STAU2: variants seen among roughly 807,000 people sequenced by gnomAD.
The protein encoded by STAU2 is double-stranded RNA-binding protein Staufen homolog 2.
Under a neutral mutation model 65.9 loss-of-function variants are expected in STAU2, and 20 were observed. The ratio of observed to expected loss-of-function variants is 0.30; its 90% confidence interval spans 0.21 to 0.44. The LOEUF (loss-of-function observed/expected upper bound fraction) is 0.44. Ranked by LOEUF, STAU2 falls within the 20% of genes least tolerant of loss-of-function variation. The probability of loss-of-function intolerance (pLI) is 1.00; values close to 1 mark genes in which losing one functional copy is unlikely to be tolerated. For missense variants in STAU2, 558 were observed against 683.9 expected, an observed-to-expected ratio of 0.82 and a Z score of 2.05; for synonymous variants, 232 against 233.9, an observed-to-expected ratio of 0.99 and a Z score of 0.07.
At chr8:73,587,178 C>T (rs1470755529) in intron 11 of STAU2, among the ~76,000 whole-genome samples, 1 of 152,074 alleles carries the variant, frequency 6.6e-6, no homozygotes, top group African/African-American at 2.4e-5. Flanking sequence ...GGGTGCGATG[C>T]CTTCCCAACT....
intron 13 of STAU2, among the ~76,000 whole-genome samples, chr8:73,486,657 AT>A (rs10616687): frequency 0.055 from 7,507 of 136,382 alleles, 311 homozygotes; most frequent in African/African-American, 0.12. Context: ...ATATATATAT[AT>A]TTTTTTTTTT....
intron 13 of STAU2, among the ~76,000 whole-genome samples, chr8:73,509,837 A>T (rs1397334597): frequency 1.1e-4 from 17 of 152,182 alleles, no homozygotes; most frequent in Non-Finnish European, 2.5e-4. Context: ...AAAAAAATTA[A>T]GAATAATATG....
chr8:73,510,951 T>A (rs564287909), intron 13 of STAU2, among the ~76,000 whole-genome samples: 2 of 152,230 alleles, frequency 1.3e-5, no homozygotes, highest in Non-Finnish European at 2.9e-5. Flanking sequence ...AGTAGAATCA[T>A]CTCTGCCTTG....
intron 12 of STAU2, among the ~76,000 whole-genome samples, chr8:73,557,244 C>A (rs1317466267): frequency 6.6e-6 from 1 of 152,148 alleles, no homozygotes; most frequent in Non-Finnish European, 1.5e-5. Context: ...ACAGTAAAGC[C>A]TAAGTGGACT....
chr8:73,529,431 C>T (rs949714381), intron 13 of STAU2, among the ~76,000 whole-genome samples: 2 of 152,106 alleles, frequency 1.3e-5, no homozygotes, highest in Admixed American at 6.6e-5. Flanking sequence ...ATTACCCTTT[C>T]GACACCAACT....
chr8:73,653,920 G>T (rs1350958445), intron 6 of STAU2: 3 of 440,756 alleles, frequency 6.8e-6, no homozygotes, highest in African/African-American at 2.0e-5. Flanking sequence ...TAAATATTAA[G>T]TTTAGAATCA....
Position 73,739,739 on chromosome 8 carries a change from A to C in STAU2, c.-84+17T>G, listed in dbSNP as rs1390539392. ...ATATTGGTGAATTTGAGTTTTAGTC[A>C]AAGTTCTTCAGATTACCTTCTGAGC... On this transcript the variant is annotated intron_variant, in intron 2 of 14. Transcript: ENST00000524300. 6.7e-7 allele frequency: 1 copy of C among 1,493,260 alleles called. No homozygotes were observed. The highest frequency in any genetic ancestry group is 1.4e-5 in the African/African-American group (1 of 70,968). 92.5% of individuals were successfully genotyped at this position (1,493,260 alleles called of 1,614,324 possible). A position where few individuals can be genotyped will look rare whatever the true frequency, so the allele number is the denominator to read the frequency against.
At chr8:73,594,600 T>G (rs997450309) in intron 11 of STAU2, among the ~76,000 whole-genome samples, 18 of 152,362 alleles carry the variant, frequency 1.2e-4, no homozygotes, top group African/African-American at 4.3e-4. Flanking sequence ...TTCAGGGTTC[T>G]CTGCTTCCCT....
At chr8:73,695,791 A>G (rs1819657636) in intron 4 of STAU2, among the ~76,000 whole-genome samples, 1 of 152,132 alleles carries the variant, frequency 6.6e-6, no homozygotes, top group Admixed American at 6.6e-5. Flanking sequence ...TGCCTGTGGA[A>G]AGGGGAGGGA....
At chr8:73,425,025 G>A (rs1816691770) in intron 13 of STAU2, among the ~76,000 whole-genome samples, 1 of 152,154 alleles carries the variant, frequency 6.6e-6, no homozygotes, top group South Asian at 2.1e-4. Context: ...GCTCATGCTG[G>A]ACAACAGCCA....
intron 6 of STAU2, among the ~76,000 whole-genome samples, chr8:73,638,030 C>G (rs545099633): frequency 6.6e-6 from 1 of 151,676 alleles, no homozygotes; most frequent in East Asian, 1.9e-4. Context: ...AAAACAGATT[C>G]GGAATACTAT....
At chr8:73,588,235 C>G (rs1810513679) in intron 11 of STAU2, among the ~76,000 whole-genome samples, 1 of 152,164 alleles carries the variant, frequency 6.6e-6, no homozygotes, top group South Asian at 2.1e-4. Flanking sequence ...ATAAATCCTT[C>G]TGGGAGAGAT....
intron 13 of STAU2, among the ~76,000 whole-genome samples, chr8:73,460,972 C>T (rs1040770185): frequency 2.6e-5 from 4 of 152,042 alleles, no homozygotes; most frequent in African/African-American, 9.7e-5. Context: ...GTGCCTGCTC[C>T]TCTCCTCTCT....
Position 73,552,319 on chromosome 8 carries a change from G to T in STAU2, c.1223C>A (p.Thr408Asn). 6.2e-7 allele frequency: 1 copy of T among 1,606,894 alleles called. No homozygotes were observed. The highest frequency in any genetic ancestry group is 8.5e-7 in the Non-Finnish European group (1 of 1,176,626). ...AGACAAATGAAGAATTCCTTTTGGA[G>T]CTATAAATAAAATGAAGAACACTGT... ...KPGFPEPTNN[T>N]PKGILHLSPD... Residue 408 changes from threonine to asparagine, a missense_variant and splice_region_variant, in exon 13 of 15, where the codon ACT (threonine) becomes AAT (asparagine). Around this residue, in one of 3 missense-constraint regions of STAU2, gnomAD observed 247 missense variants for 270.1 expected, o/e 0.91. Coordinates refer to ENST00000524300, the MANE Select transcript of STAU2 (RefSeq NM_001164380.2).
intron 9 of STAU2, among the ~76,000 whole-genome samples, chr8:73,605,185 C>T (rs146906228): frequency 1.3e-5 from 2 of 151,824 alleles, no homozygotes; most frequent in East Asian, 1.9e-4. Flanking sequence ...TTATGTAAAG[C>T]CTGCTAAAAC....
chr8:73,614,329 T>C (rs1812676436), intron 8 of STAU2, among the ~76,000 whole-genome samples: 1 of 152,180 alleles, frequency 6.6e-6, no homozygotes, highest in African/African-American at 2.4e-5. Flanking sequence ...TATAATTACA[T>C]ACCTAACTTC....
intron 13 of STAU2, chr8:73,549,499 T>G: frequency 2.9e-6 from 1 of 341,308 alleles, no homozygotes; most frequent in Non-Finnish European, 4.1e-6. Flanking sequence ...TAAAAGAATT[T>G]GAGCTTGGAT....
chr8:73,544,109 T>G (rs1227907053), intron 13 of STAU2, among the ~76,000 whole-genome samples: 1 of 152,180 alleles, frequency 6.6e-6, no homozygotes, highest in Admixed American at 6.5e-5. Flanking sequence ...CTACTTACTT[T>G]TCAACATATG....
intron 13 of STAU2, among the ~76,000 whole-genome samples, chr8:73,522,593 A>G (rs1823099770): frequency 1.3e-5 from 2 of 152,328 alleles, no homozygotes; most frequent in Non-Finnish European, 2.9e-5. Flanking sequence ...ACAGTTATTC[A>G]CAGTTAGCTC....
Sources: allele counts gnomAD v4.1 joint callset (sites outside exome capture counted in the v4.1 genomes callset), GRCh38; gene constraint gnomAD v4.1.1; regional missense constraint gnomAD v4.1.1; transcripts MANE v1.5; gene names NCBI Gene and HGNC (gene_info 2026-07-23, HGNC 2026-07-21).